Variants in SMARCAD1 observed in about 807,000 individuals in gnomAD.
SMARCAD1 encodes the protein SWI/SNF-related matrix-associated actin-dependent regulator of chromatin subfamily A containing DEAD/H box 1.
SMARCAD1 carries 25 observed loss-of-function variants against 127.1 expected under a neutral mutation model. That is an observed-to-expected ratio of 0.20 (90% CI 0.14 to 0.27). The LOEUF (loss-of-function observed/expected upper bound fraction) is 0.27, where lower values mean the gene tolerates loss of function less well. Ranked by LOEUF, SMARCAD1 falls within the 10% of genes least tolerant of loss-of-function variation. The pLI, the probability that SMARCAD1 is intolerant of heterozygous loss-of-function variation, is 1.00. For synonymous variants in SMARCAD1, 400 were observed against 396.9 expected (o/e 1.01, Z -0.09); for missense variants, 807 against 1,206.0 (o/e 0.67, Z 4.90).
chr4:94,258,368 T>A (rs1189727337), intron 9 of SMARCAD1, among the ~76,000 whole-genome samples: 3 of 152,116 alleles, frequency 2.0e-5, no homozygotes, highest in Admixed American at 6.6e-5. Context: ...TTGGCCGGGC[T>A]GGTCTTGAAC....
rs1284258677 is a variant in SMARCAD1, at chr4:94,279,200, C to A, written c.2418+150C>A. Reference sequence around the variant, plus strand: ...TTCAGACCAGGTCTGGTTCTGTTGCCAAGGCAGGCAGTCTGGGCTCACTGC... The same window carrying A: ...TTCAGACCAGGTCTGGTTCTGTTGCAAAGGCAGGCAGTCTGGGCTCACTGC... On this transcript the variant is annotated intron_variant, in intron 19 of 23. Transcript: ENST00000354268. The A allele has an allele frequency of 5.1e-6, 5 of 989,922 alleles. No individual in the cohort carries two copies. The African/African-American group carries it at 6.6e-5, about 13-fold the overall frequency. The allele number at this position is 989,922 out of a possible 1,614,324, so 61.3% of individuals were successfully genotyped here. A position where few individuals can be genotyped will look rare whatever the true frequency, so the allele number is the denominator to read the frequency against.
chr4:94,234,269 C>A, intron 4 of SMARCAD1, 147 bp downstream of exon 4: 1 of 758,742 alleles, frequency 1.3e-6, no homozygotes, highest in Non-Finnish European at 2.1e-6. Context: ...AAATGCCAGA[C>A]ATTTATTTAT....
Position 94,276,208 on chromosome 4 carries a change from C to G in SMARCAD1, c.1809-131C>G, listed in dbSNP as rs1350626126. On this transcript the variant is annotated intron_variant, in intron 14 of 23. Transcript: ENST00000354268. ...GTATTTATTTGAGTATCACCCGTGT[C>G]TAGTGCTGTGCTTTAAGTACTGGCT... The G allele has an allele frequency of 3.5e-6, 3 of 853,946 alleles. No individual in the cohort carries two copies. The African/African-American group carries it at 5.0e-5, about 14-fold the overall frequency. The allele number at this position is 853,946 out of a possible 1,614,324, so 52.9% of individuals were successfully genotyped here.
chr4:94,277,805 A>T (rs575697055), intron 16 of SMARCAD1, among the ~76,000 whole-genome samples: 1 of 152,304 alleles, frequency 6.6e-6, no homozygotes, highest in African/African-American at 2.4e-5. Flanking sequence ...CTGCCTTTTA[A>T]ACATTTACTA....
At position 94,288,623 on chromosome 4, in the gene SMARCAD1, T is replaced by A. The variant is rs574573000; in HGVS notation, c.3020-850T>A. 7.2e-5 allele frequency among the ~76,000 whole-genome samples: 11 copies of A among 152,196 alleles called. No homozygotes were observed. The South Asian group carries it at 2.3e-3, about 32-fold the overall frequency. On this transcript the variant is annotated intron_variant, in intron 23 of 23. Coordinates refer to ENST00000354268, the MANE Select transcript of SMARCAD1 (RefSeq NM_020159.5). Reference sequence around the variant, plus strand: ...AGAGTGGATGAAAGTACTCATAATTTTAGATTATAGCTGAGGTGTATATTT... The same window carrying A: ...AGAGTGGATGAAAGTACTCATAATTATAGATTATAGCTGAGGTGTATATTT...
At chr4:94,264,140 G>C (rs1327176102) in intron 9 of SMARCAD1, among the ~76,000 whole-genome samples, 1 of 151,874 alleles carries the variant, frequency 6.6e-6, no homozygotes, top group Non-Finnish European at 1.5e-5. Context: ...CCGTGTGATA[G>C]TCTGTTTAGA....
chr4:94,290,544 A>G lies in SMARCAD1; in HGVS notation c.*1010A>G, dbSNP rs1468144178. ...GGTCATTAACTTGAAACTCTTATCA[A>G]AATATATTTTACCAGTTTCCAGAAT... On this transcript the variant is annotated 3_prime_UTR_variant, in exon 24 of 24. Coordinates refer to ENST00000354268, the MANE Select transcript of SMARCAD1 (RefSeq NM_020159.5). The G allele has an allele frequency of 4.4e-6, 2 of 454,352 alleles. No individual in the cohort carries two copies. Among genetic ancestry groups the G allele is most frequent in the Non-Finnish European group, 8.8e-6 (2 of 226,746 alleles). 28.1% of individuals were successfully genotyped at this position (454,352 alleles called of 1,614,324 possible). A position where few individuals can be genotyped will look rare whatever the true frequency, so the allele number is the denominator to read the frequency against.
At chr4:94,253,674 A>G (rs895436485) in intron 9 of SMARCAD1, 5 of 1,007,608 alleles carry the variant, frequency 5.0e-6, no homozygotes, top group African/African-American at 3.5e-5. Context: ...AAGCACTGGT[A>G]AGTACACTTT....
chr4:94,253,564 G>T, intron 9 of SMARCAD1: 1 of 1,087,214 alleles, frequency 9.2e-7, no homozygotes. Flanking sequence ...TAAGCAACGT[G>T]GCCATTTTAT....
intron 3 of SMARCAD1, among the ~76,000 whole-genome samples, chr4:94,231,009 C>T (rs1745752439): frequency 6.6e-6 from 1 of 152,128 alleles, no homozygotes; most frequent in Admixed American, 6.6e-5. Context: ...AGTTTTTATT[C>T]CATTCAGCAG....
chr4:94,238,313 C>A (rs1366498269), intron 5 of SMARCAD1, among the ~76,000 whole-genome samples: 1 of 152,108 alleles, frequency 6.6e-6, no homozygotes, highest in East Asian at 1.9e-4. Flanking sequence ...AGCAGTGTTG[C>A]TTGACTCTTC....
chr4:94,279,137 T>C, intron 19 of SMARCAD1, 87 bp downstream of exon 19: 1 of 1,550,838 alleles, frequency 6.4e-7, no homozygotes. Context: ...ATGGGCATAC[T>C]AAACCTTTAA....
Position 94,250,800 on chromosome 4 carries a change from T to A in SMARCAD1, c.856T>A (p.Leu286Ile). Residue 286 changes from leucine (L) to isoleucine (I), a missense_variant, in exon 8 of 24, where the codon TTA becomes ATA. Coordinates refer to ENST00000354268, the MANE Select transcript of SMARCAD1 (RefSeq NM_020159.5). ...KEHEWMYTEA[L>I]ESLKVFAEDQ... Reference sequence around the variant, plus strand: ...ACATGAATGGATGTACACAGAAGCTTTAGAATCTCTAAAAGTGTTTGCAGA... The same window carrying A: ...ACATGAATGGATGTACACAGAAGCTATAGAATCTCTAAAAGTGTTTGCAGA... 1 of 1,612,640 alleles carries A rather than the reference T, an allele frequency of 6.2e-7. No individual in the cohort carries two copies. The highest frequency in any genetic ancestry group is 8.5e-7 in the Non-Finnish European group (1 of 1,179,064).
At chr4:94,223,734 A>ATTTTTTTTTTTTTTTTTTTTTTTTT (rs944591007) in intron 2 of SMARCAD1, among the ~76,000 whole-genome samples, 1 of 100,156 alleles carries the variant, frequency 1.0e-5, no homozygotes, top group African/African-American at 3.7e-5. Flanking sequence ...CTCCCGGCTA[A>ATTTTTTTTTTTTTTTTTTTTTTTTT]TTTTTTTTTT....
chr4:94,226,876 T>C (rs568472752), intron 3 of SMARCAD1, among the ~76,000 whole-genome samples: 1 of 151,752 alleles, frequency 6.6e-6, no homozygotes. Context: ...TTTTTTTTTC[T>C]TGTTTTTTCT....
chr4:94,256,472 C>T (rs1209329177), intron 9 of SMARCAD1, among the ~76,000 whole-genome samples: 5 of 152,146 alleles, frequency 3.3e-5, no homozygotes, highest in African/African-American at 1.2e-4. Flanking sequence ...AAGCGATTCT[C>T]CTGCCTCAGC....
At position 94,253,085 on chromosome 4, in the gene SMARCAD1, T is replaced by TCAGCC; in HGVS notation, c.1281+82_1281+86dup. 3.1e-6 allele frequency: 5 copies of TCAGCC among 1,597,204 alleles called. No homozygotes were observed. In the South Asian group the frequency reaches 5.5e-5, roughly 18 times the overall value. On this transcript the variant is annotated intron_variant, in intron 9 of 23. Coordinates refer to ENST00000354268, the MANE Select transcript of SMARCAD1 (RefSeq NM_020159.5). ...AGTACCGGTTATAGTCAAGTTGTCT[T>TCAGCC]CAGCCCAGGTAAGCATAGATGGGTG...
intron 14 of SMARCAD1, 122 bp downstream of exon 14, chr4:94,275,087 T>C (rs1190940400): frequency 2.6e-6 from 2 of 756,696 alleles, no homozygotes; most frequent in Non-Finnish European, 4.6e-6. Context: ...AGTAATAGAA[T>C]GACTAATGTT....
chr4:94,275,051 G>A, intron 14 of SMARCAD1, 86 bp downstream of exon 14: 1 of 928,226 alleles, frequency 1.1e-6, no homozygotes. Flanking sequence ...ATGTAGGAAA[G>A]TTTATGCTGT....
Sources: gnomAD v4.1 joint callset for allele counts (sites outside exome capture counted in the v4.1 genomes callset) on GRCh38, gnomAD v4.1.1 for gene constraint, MANE v1.5 for transcripts, NCBI Gene and HGNC (gene_info 2026-07-23, HGNC 2026-07-21) for gene names.